The following ADGRG6 variants were observed in gnomAD, a reference collection of about 807,000 sequenced individuals.
ADGRG6 encodes G-protein coupled receptor 126.
A neutral mutation model predicts 142.4 loss-of-function variants in ADGRG6; 84 were observed. The observed-to-expected ratio is 0.59, with a 90% CI of 0.49 to 0.71. The LOEUF is 0.71. Among genes scored for constraint, ADGRG6 ranks in the 30% least tolerant of loss-of-function variants. The probability of loss-of-function intolerance (pLI) is 0.00; values close to 1 mark genes in which losing one functional copy is unlikely to be tolerated. For synonymous variants in ADGRG6, 521 were observed against 520.5 expected (o/e 1.00, Z -0.01); for missense variants, 1,367 against 1,466.6 (o/e 0.93, Z 1.11).
intron 4 of ADGRG6, among the ~76,000 whole-genome samples, chr6:142,373,663 C>T (rs1781359484): frequency 6.6e-6 from 1 of 152,142 alleles, no homozygotes; most frequent in South Asian, 2.1e-4. Context: ...TTCAGCTCTC[C>T]TGAGTAGGTA....
intron 6 of ADGRG6, among the ~76,000 whole-genome samples, chr6:142,388,260 G>A (rs1782128768): frequency 1.3e-5 from 2 of 152,084 alleles, no homozygotes; most frequent in Admixed American, 1.3e-4. Context: ...AAGTGGACTG[G>A]GGCAGGAAAC....
intron 17 of ADGRG6, 75 bp from the exon 18 acceptor site, chr6:142,411,230 C>G (rs1324524265): frequency 3.7e-6 from 3 of 806,800 alleles, no homozygotes; most frequent in Non-Finnish European, 6.6e-6. Context: ...GCAAATTTCT[C>G]TATAGAAGGT....
chr6:142,377,341 G>A (rs1781549875), intron 4 of ADGRG6, among the ~76,000 whole-genome samples: 1 of 152,200 alleles, frequency 6.6e-6, no homozygotes, highest in Non-Finnish European at 1.5e-5. Flanking sequence ...CCCCACAGGA[G>A]CTGGAGAGAG....
Position 142,330,437 on chromosome 6 carries a change from G to A in ADGRG6, c.103+20793G>A, listed in dbSNP as rs947906291. Among the ~76,000 whole-genome samples the A allele has an allele frequency of 4.6e-5, 7 of 152,098 alleles. No individual in the cohort carries two copies. The East Asian group carries it at 9.6e-4, about 21-fold the overall frequency. ...TCAGCCAAACAAGCTCATGCAAGCC[G>A]GAAAGATGTGGGAGTAAATATGGCA... is the stretch of plus-strand genomic sequence containing the variant. On this transcript the variant is annotated intron_variant, in intron 2 of 24. Transcript: ENST00000367609.
chr6:142,385,144 G>T (rs2114945308), intron 6 of ADGRG6, among the ~76,000 whole-genome samples: 1 of 152,224 alleles, frequency 6.6e-6, no homozygotes, highest in South Asian at 2.1e-4. Context: ...CATTTATACG[G>T]TGCTTCAGAG....
intron 1 of ADGRG6, among the ~76,000 whole-genome samples, chr6:142,304,964 G>T (rs1443403135): frequency 6.6e-6 from 1 of 151,836 alleles, no homozygotes; most frequent in Non-Finnish European, 1.5e-5. Context: ...GAATTATCTG[G>T]AATGCCTTAA....
intron 22 of ADGRG6, among the ~76,000 whole-genome samples, chr6:142,436,590 A>C (rs910282878): frequency 1.4e-4 from 22 of 152,206 alleles, no homozygotes; most frequent in African/African-American, 5.3e-4. Context: ...TGAAGCTGGA[A>C]GAAAATTGGA....
At chr6:142,314,090 A>G (rs983945306) in intron 2 of ADGRG6, among the ~76,000 whole-genome samples, 4 of 152,226 alleles carry the variant, frequency 2.6e-5, no homozygotes, top group Admixed American at 6.5e-5. Context: ...GATTAGCGTC[A>G]GTGTGAGTGA....
At chr6:142,384,024 T>A (rs1032524342) in intron 6 of ADGRG6, among the ~76,000 whole-genome samples, 181 bp downstream of exon 6, 5 of 152,166 alleles carry the variant, frequency 3.3e-5, no homozygotes, top group African/African-American at 1.2e-4. Flanking sequence ...TCCTCATTCT[T>A]ATGACGAGTG....
Position 142,411,295 on chromosome 6 carries a change from C to T in ADGRG6, c.2435-10C>T. Reference sequence around the variant, plus strand: ...GCTGTTTTCACACTGTTTGTTGATTCCTTCAACAGAAAGTTTTGGAGGATG... The same window carrying T: ...GCTGTTTTCACACTGTTTGTTGATTTCTTCAACAGAAAGTTTTGGAGGATG... On this transcript the variant is annotated splice_polypyrimidine_tract_variant and intron_variant, in intron 17 of 24. Coordinates refer to ENST00000367609, the MANE Select transcript of ADGRG6 (RefSeq NM_198569.3). The T allele has an allele frequency of 6.9e-7, 1 of 1,457,370 alleles. No homozygotes were observed. The highest frequency in any genetic ancestry group is 9.6e-7 in the Non-Finnish European group (1 of 1,037,338). The allele number at this position is 1,457,370 out of a possible 1,614,324, so 90.3% of individuals were successfully genotyped here.
At chr6:142,317,242 C>T (rs1317583079) in intron 2 of ADGRG6, among the ~76,000 whole-genome samples, 1 of 152,014 alleles carries the variant, frequency 6.6e-6, no homozygotes, top group Non-Finnish European at 1.5e-5. Context: ...GAGATGTCTG[C>T]TTTTTTTATT....
intron 2 of ADGRG6, among the ~76,000 whole-genome samples, chr6:142,339,790 T>A (rs549490554): frequency 3.3e-5 from 5 of 152,284 alleles, no homozygotes; most frequent in African/African-American, 9.6e-5. Context: ...TCTTTTTACT[T>A]AATGGCAGAT....
chr6:142,404,702 T>C (rs1362485714), intron 14 of ADGRG6, among the ~76,000 whole-genome samples: 1 of 152,076 alleles, frequency 6.6e-6, no homozygotes, highest in Non-Finnish European at 1.5e-5. Flanking sequence ...AAAACAGATT[T>C]CTGGGACCTA....
chr6:142,417,074 A>G, intron 20 of ADGRG6, 199 bp from the exon 21 acceptor site: 1 of 619,358 alleles, frequency 1.6e-6, no homozygotes, highest in Non-Finnish European at 2.9e-6. Context: ...TGCCAGTTAG[A>G]GTTGGACATT....
At position 142,384,301 on chromosome 6, in the gene ADGRG6, T is replaced by C. The variant is rs1208404901; in HGVS notation, c.1222+458T>C. Among the ~76,000 whole-genome samples, 6 of 152,188 alleles carry C rather than the reference T, an allele frequency of 3.9e-5. 1 individual carries two copies. The highest frequency in any genetic ancestry group is 1.5e-5 in the Non-Finnish European group (1 of 67,986). Reference sequence around the variant, plus strand: ...TTTATGGTCATATATTTGTGACATTTACATCAATGTCCATAGTAATACTTT... The same window carrying C: ...TTTATGGTCATATATTTGTGACATTCACATCAATGTCCATAGTAATACTTT... On this transcript the variant is annotated intron_variant, in intron 6 of 24. Coordinates refer to ENST00000367609, the MANE Select transcript of ADGRG6 (RefSeq NM_198569.3).
chr6:142,407,239 A>C (rs555061782), intron 15 of ADGRG6, among the ~76,000 whole-genome samples: 4 of 151,708 alleles, frequency 2.6e-5, no homozygotes, highest in Admixed American at 2.6e-4. Context: ...GAATGAAAAA[A>C]CTTTAAAGGT....
At chr6:142,427,446 A>G (rs1777000168) in intron 22 of ADGRG6, among the ~76,000 whole-genome samples, 1 of 152,144 alleles carries the variant, frequency 6.6e-6, no homozygotes, top group South Asian at 2.1e-4. Context: ...TATTGTCCAT[A>G]TCACTATCAA....
chr6:142,336,667 G>A (rs2114693005), intron 2 of ADGRG6, among the ~76,000 whole-genome samples: 1 of 152,258 alleles, frequency 6.6e-6, no homozygotes, highest in East Asian at 1.9e-4. Flanking sequence ...GTATTTATAT[G>A]TAGACACATA....
At position 142,446,039 on chromosome 6, in the gene ADGRG6, GC is replaced by G. The variant is rs1442720249; in HGVS notation, c.*2525del. 1 of 152,380 alleles carries G rather than the reference GC, an allele frequency of 6.6e-6. No individual in the cohort carries two copies. Among genetic ancestry groups the G allele is most frequent in the Admixed American group, 6.6e-5 (1 of 15,232 alleles). The allele number at this position is 152,380 out of a possible 1,614,324, so 9.4% of individuals were successfully genotyped here. A position where few individuals can be genotyped will look rare whatever the true frequency, so the allele number is the denominator to read the frequency against. On this transcript the variant is annotated 3_prime_UTR_variant, in exon 25 of 25. Coordinates refer to ENST00000367609, the MANE Select transcript of ADGRG6 (RefSeq NM_198569.3). Reference sequence around the variant, plus strand: ...TCCTTTCTTAGCTTGATATTGCCTAGCTTTGTTGTTTTAATTAACTTTCTAT... The same window carrying G: ...TCCTTTCTTAGCTTGATATTGCCTAGTTTGTTGTTTTAATTAACTTTCTAT...
Sources: allele counts gnomAD v4.1 joint callset (sites outside exome capture counted in the v4.1 genomes callset), GRCh38; gene constraint gnomAD v4.1.1; transcripts MANE v1.5; gene names NCBI Gene and HGNC (gene_info 2026-07-23, HGNC 2026-07-21).